Variants in GALNT2 observed in about 807,000 individuals in gnomAD.
GALNT2 encodes the protein UDP-GalNAc:polypeptide N-acetylgalactosaminyltransferase 2.
A neutral mutation model predicts 81.4 loss-of-function variants in GALNT2; 31 were observed. The observed-to-expected ratio is 0.38, with a 90% CI of 0.29 to 0.51. GALNT2 has a LOEUF of 0.51. GALNT2 is among the 20% of genes least tolerant of loss of function. GALNT2 has a pLI of 0.87. For missense variants in GALNT2, 629 were observed against 765.7 expected (o/e 0.82, Z 2.11); for synonymous variants, 303 against 287.4 (o/e 1.05, Z -0.55).
chr1:230,136,509 A>G (rs1230184390), intron 1 of GALNT2, among the ~76,000 whole-genome samples: 1 of 152,148 alleles, frequency 6.6e-6, no homozygotes, highest in African/African-American at 2.4e-5. Flanking sequence ...GTTCCAGCAC[A>G]TGCATGCACC....
rs768522318 is a variant in GALNT2, at chr1:230,173,843, A to G, written c.127-4375A>G. Among the ~76,000 whole-genome samples, 37 of 152,356 alleles carry G rather than the reference A, an allele frequency of 2.4e-4. No individual in the cohort carries two copies. The Middle Eastern group carries it at 0.02, about 84-fold the overall frequency. ...AATGTATGGGAGGGGGATTGTAACG[A>G]AAAACTTCCACTGCAGAGTAGGCGA... On this transcript the variant is annotated intron_variant, in intron 1 of 15. Coordinates refer to ENST00000366672, the MANE Select transcript of GALNT2 (RefSeq NM_004481.5).
chr1:230,239,198 A>G (rs1002617717), intron 6 of GALNT2, among the ~76,000 whole-genome samples: 6 of 152,160 alleles, frequency 3.9e-5, no homozygotes, highest in Non-Finnish European at 7.4e-5. Flanking sequence ...TATTTTCTTT[A>G]TCTGTCTGCT....
chr1:230,203,009 T>C, intron 2 of GALNT2, 128 bp from the exon 3 acceptor site: 1 of 983,872 alleles, frequency 1.0e-6, no homozygotes. Flanking sequence ...GCTAGTTTGT[T>C]GTTTAAAATG....
In GALNT2 at chr1:230,114,486, A is replaced by G. The variant is rs542400422; in HGVS notation, c.126+47080A>G. ...GTCTGTATGTTGGAAAGATATTTCT[A>G]AGTTGTAGTGAGGTAGGAGGGATTC... is the stretch of plus-strand genomic sequence containing the variant. On this transcript the variant is annotated intron_variant, in intron 1 of 15. Transcript: ENST00000366672. Among the ~76,000 whole-genome samples, 4 of 152,290 alleles carry G rather than the reference A, an allele frequency of 2.6e-5. No homozygotes were observed. The South Asian group carries it at 8.3e-4, about 32-fold the overall frequency.
intron 11 of GALNT2, among the ~76,000 whole-genome samples, chr1:230,256,175 A>T (rs939614041): frequency 1.6e-4 from 25 of 152,296 alleles, no homozygotes; most frequent in South Asian, 4.1e-4. Flanking sequence ...ATGGTGGCTC[A>T]TGTCTGTAAT....
intron 6 of GALNT2, among the ~76,000 whole-genome samples, chr1:230,241,993 T>C (rs889833688): frequency 6.6e-6 from 1 of 152,218 alleles, no homozygotes; most frequent in Non-Finnish European, 1.5e-5. Flanking sequence ...GCCAAAGATT[T>C]AACAGGAGGT....
intron 2 of GALNT2, among the ~76,000 whole-genome samples, chr1:230,182,406 C>T (rs1663189481): frequency 6.6e-6 from 1 of 152,150 alleles, no homozygotes; most frequent in South Asian, 2.1e-4. Flanking sequence ...CTGCATCTCA[C>T]AAATTTTCAT....
intron 1 of GALNT2, among the ~76,000 whole-genome samples, chr1:230,093,440 A>G (rs913886657): frequency 6.6e-6 from 1 of 152,192 alleles, no homozygotes; most frequent in African/African-American, 2.4e-5. Flanking sequence ...GGAGAAAACG[A>G]TGGACTGTAG....
chr1:230,175,363 G>A (rs1181499525), intron 1 of GALNT2, among the ~76,000 whole-genome samples: 1 of 152,214 alleles, frequency 6.6e-6, no homozygotes, highest in Non-Finnish European at 1.5e-5. Flanking sequence ...TCCCCAGGGT[G>A]TGGATCCAGC....
chr1:230,261,787 G>A (rs1665883220), intron 11 of GALNT2: 1 of 152,226 alleles, frequency 6.6e-6, no homozygotes, highest in Admixed American at 6.5e-5. Flanking sequence ...GAGGCGAGTG[G>A]ATCACAAGGT....
Position 230,149,960 on chromosome 1 carries a change from C to G in GALNT2, c.127-28258C>G, listed in dbSNP as rs146612289. Among the ~76,000 whole-genome samples, 341 of 152,316 alleles carry G rather than the reference C, an allele frequency of 2.2e-3. 5 individuals carry two copies. The highest frequency in any genetic ancestry group is 6.9e-3 in the African/African-American group (286 of 41,570). On this transcript the variant is annotated intron_variant, in intron 1 of 15. Transcript: ENST00000366672. ...ACATGGGGTGCCTCTGAGGGCTTCT[C>G]ACTCTTGATTTAATTCTCAGAAACG...
At chr1:230,106,327 T>G (rs1056805909) in intron 1 of GALNT2, among the ~76,000 whole-genome samples, 3 of 152,178 alleles carry the variant, frequency 2.0e-5, no homozygotes, top group African/African-American at 7.2e-5. Context: ...TGAATGGAGA[T>G]GACAGGCTTA....
intron 6 of GALNT2, among the ~76,000 whole-genome samples, chr1:230,241,221 C>G (rs1307995685): frequency 6.6e-6 from 1 of 152,088 alleles, no homozygotes. Flanking sequence ...CTTTTTTTCT[C>G]TTTGATGTGG....
intron 1 of GALNT2, among the ~76,000 whole-genome samples, chr1:230,135,848 GCTAA>G (rs535786798): frequency 4.3e-4 from 66 of 151,810 alleles, no homozygotes; most frequent in African/African-American, 1.4e-3. Context: ...ACCACGCCTG[GCTAA>G]CTTTTTCATT....
intron 14 of GALNT2, among the ~76,000 whole-genome samples, chr1:230,269,040 A>T (rs1338903286): frequency 6.6e-6 from 1 of 152,014 alleles, no homozygotes; most frequent in Non-Finnish European, 1.5e-5. Flanking sequence ...CTGTTCTCAC[A>T]TGTGGGCTTT....
chr1:230,258,132 C>T (rs1665770102), intron 11 of GALNT2, among the ~76,000 whole-genome samples: 1 of 152,208 alleles, frequency 6.6e-6, no homozygotes, highest in Non-Finnish European at 1.5e-5. Flanking sequence ...CCAGGCTGGT[C>T]TCAAACTCCT....
chr1:230,067,993 G>C (rs1011265273), intron 1 of GALNT2, among the ~76,000 whole-genome samples: 2 of 152,154 alleles, frequency 1.3e-5, no homozygotes, highest in African/African-American at 2.4e-5. Flanking sequence ...GTGCGAGCCA[G>C]GGGCCAGTGC....
chr1:230,178,088 C>T (rs188023553), intron 1 of GALNT2, 130 bp from the exon 2 acceptor site: 4 of 600,730 alleles, frequency 6.7e-6, no homozygotes, highest in East Asian at 5.9e-5. Context: ...AAGATGTGCC[C>T]TCCCTCCTGC....
At chr1:230,221,384 T>C (rs912139538) in intron 3 of GALNT2, among the ~76,000 whole-genome samples, 6 of 152,226 alleles carry the variant, frequency 3.9e-5, no homozygotes, top group African/African-American at 1.4e-4. Context: ...GAGATGCTAT[T>C]TGAGATGACA....
Sources: gnomAD v4.1 joint callset for allele counts (sites outside exome capture counted in the v4.1 genomes callset) on GRCh38, gnomAD v4.1.1 for gene constraint, MANE v1.5 for transcripts, NCBI Gene and HGNC (gene_info 2026-07-23, HGNC 2026-07-21) for gene names.